DTNA: variants seen among roughly 807,000 people sequenced by gnomAD.
DTNA encodes the protein dystrobrevin alpha.
A neutral mutation model predicts 100.7 loss-of-function variants in DTNA; 43 were observed. That is an observed-to-expected ratio of 0.43 (90% CI 0.33 to 0.55). The LOEUF (loss-of-function observed/expected upper bound fraction) is 0.55, where lower values mean the gene tolerates loss of function less well. Among genes scored for constraint, DTNA ranks in the 20% least tolerant of loss-of-function variants. The probability of loss-of-function intolerance (pLI) is 0.04; values close to 1 mark genes in which losing one functional copy is unlikely to be tolerated. For synonymous variants in DTNA, 349 were observed against 347.9 expected, an observed-to-expected ratio of 1.00 and a Z score of -0.04; for missense variants, 798 against 953.9, an observed-to-expected ratio of 0.84 and a Z score of 2.15.
Position 34,890,167 on chromosome 18 carries a change from T to C in DTNA, c.*2433T>C. ...GTTCTGCTGATAACCTTCCCCGTTG[T>C]CATAGCTATTTCATTGCCAACCAAC... On this transcript the variant is annotated 3_prime_UTR_variant, in exon 23 of 23. Coordinates refer to ENST00000444659, the MANE Select transcript of DTNA (RefSeq NM_001386795.1). 1.4e-6 allele frequency: 2 copies of C among 1,440,230 alleles called. No individual in the cohort carries two copies. The highest frequency in any genetic ancestry group is 1.8e-6 in the Non-Finnish European group (2 of 1,103,104). The allele number at this position is 1,440,230 out of a possible 1,614,324, so 89.2% of individuals were successfully genotyped here.
intron 1 of DTNA, among the ~76,000 whole-genome samples, chr18:34,700,270 C>T (rs1401512653): frequency 6.6e-6 from 1 of 152,180 alleles, no homozygotes; most frequent in Admixed American, 6.5e-5. Context: ...CCTCAGCCAT[C>T]CACTTGCTTG....
At chr18:34,691,956 T>A (rs930960722) in intron 1 of DTNA, among the ~76,000 whole-genome samples, 1 of 152,172 alleles carries the variant, frequency 6.6e-6, no homozygotes, top group African/African-American at 2.4e-5. Context: ...GACTTTTGGG[T>A]TATTTGTAGG....
At chr18:34,675,756 G>T (rs2077323928) in intron 1 of DTNA, among the ~76,000 whole-genome samples, 1 of 152,070 alleles carries the variant, frequency 6.6e-6, no homozygotes, top group Admixed American at 6.6e-5. Flanking sequence ...ATTTAAATTT[G>T]ATGGCAACCA....
intron 16 of DTNA, 138 bp downstream of exon 16, chr18:34,858,536 T>G (rs1485007401): frequency 1.6e-5 from 13 of 804,924 alleles, no homozygotes; most frequent in Non-Finnish European, 2.7e-5. Context: ...ACACACGTAA[T>G]TGCTGATATT....
intron 1 of DTNA, among the ~76,000 whole-genome samples, chr18:34,589,855 T>C (rs1369426354): frequency 6.6e-6 from 1 of 152,226 alleles, no homozygotes; most frequent in African/African-American, 2.4e-5. Flanking sequence ...AGTGAGATCA[T>C]GCAGGATTTG....
intron 12 of DTNA, among the ~76,000 whole-genome samples, 160 bp from the exon 13 acceptor site, chr18:34,838,585 G>T (rs2096203503): frequency 6.6e-6 from 1 of 152,094 alleles, no homozygotes; most frequent in Admixed American, 6.6e-5. Flanking sequence ...TCATTGCCTG[G>T]ATTTCACTTG....
intron 1 of DTNA, among the ~76,000 whole-genome samples, chr18:34,552,936 C>A (rs2045605688): frequency 6.8e-6 from 1 of 147,030 alleles, no homozygotes; most frequent in African/African-American, 2.6e-5. Context: ...AGTTCTAGAT[C>A]CCTGAGGAAT....
Position 34,864,074 on chromosome 18 carries a change from C to A in DTNA, c.1743+12C>A. The A allele has an allele frequency of 6.3e-7, 1 of 1,599,366 alleles. No homozygotes were observed. The highest frequency in any genetic ancestry group is 8.5e-7 in the Non-Finnish European group (1 of 1,172,430). On this transcript the variant is annotated intron_variant, in intron 17 of 22. Transcript: ENST00000444659. The stretch of plus-strand genomic sequence containing the variant: ...TGAAGCTACTAAAGGTAAGACCTGC[C>A]AGATAAATTTTCCTGAGCTTATTTT...
At chr18:34,831,904 G>A (rs1030512264) in intron 11 of DTNA, among the ~76,000 whole-genome samples, 4 of 152,194 alleles carry the variant, frequency 2.6e-5, no homozygotes, top group African/African-American at 7.2e-5. Flanking sequence ...TGACTTGTTG[G>A]TCAGGTGATT....
intron 4 of DTNA, among the ~76,000 whole-genome samples, chr18:34,798,085 C>T (rs955729917): frequency 3.3e-5 from 5 of 152,134 alleles, no homozygotes; most frequent in Admixed American, 2.0e-4. Context: ...CTGCAGCCTT[C>T]GCCTCCTGGC....
In DTNA at chr18:34,825,394, G is replaced by T. The variant is rs995951942; in HGVS notation, c.1002-2199G>T. 6.1e-5 allele frequency: 77 copies of T among 1,256,874 alleles called. No homozygotes were observed. The Admixed American group carries it at 1.3e-3, about 21-fold the overall frequency. 77.9% of individuals were successfully genotyped at this position (1,256,874 alleles called of 1,614,324 possible). On this transcript the variant is annotated intron_variant, in intron 9 of 22. Coordinates refer to ENST00000444659, the MANE Select transcript of DTNA (RefSeq NM_001386795.1). ...CTAGTTTAGAACTAAGTCTTCTTAT[G>T]CTGTACACTCAGTTCACAAGGATGC...
At chr18:34,561,748 G>C (rs987882910) in intron 1 of DTNA, among the ~76,000 whole-genome samples, 4 of 152,066 alleles carry the variant, frequency 2.6e-5, no homozygotes, top group African/African-American at 9.7e-5. Flanking sequence ...TGCTGCATGT[G>C]CTTACTACGT....
chr18:34,730,847 G>C (rs1292227365), intron 1 of DTNA, among the ~76,000 whole-genome samples: 1 of 152,184 alleles, frequency 6.6e-6, no homozygotes, highest in African/African-American at 2.4e-5. Flanking sequence ...GCTCACTCAT[G>C]TTGGTGTGTC....
chr18:34,826,280 A>C (rs1244290156), intron 9 of DTNA, among the ~76,000 whole-genome samples: 1 of 151,918 alleles, frequency 6.6e-6, no homozygotes, highest in African/African-American at 2.4e-5. Flanking sequence ...CATTTGGTTC[A>C]TGAGTAAGTT....
At chr18:34,614,662 T>G (rs1469072906) in intron 1 of DTNA, among the ~76,000 whole-genome samples, 1 of 152,154 alleles carries the variant, frequency 6.6e-6, no homozygotes, top group East Asian at 1.9e-4. Flanking sequence ...GAAATAGAAT[T>G]AGAAGTAGAG....
At position 34,645,018 on chromosome 18, in the gene DTNA, C is replaced by T. The variant is rs147525207; in HGVS notation, c.-1-110958C>T. On this transcript the variant is annotated intron_variant, in intron 1 of 19. Coordinates refer to the DTNA transcript ENST00000283365. Reference sequence around the variant, plus strand: ...TGCACATTTGTAAGGTAACGACAAACTGAATCTTTAATAATGATCGTAATG... The same window carrying T: ...TGCACATTTGTAAGGTAACGACAAATTGAATCTTTAATAATGATCGTAATG... Among the ~76,000 whole-genome samples, 787 of 152,206 alleles carry T rather than the reference C, an allele frequency of 5.2e-3. 8 individuals carry two copies. Among genetic ancestry groups the T allele is most frequent in the African/African-American group, 0.018 (748 of 41,544 alleles).
chr18:34,867,198 T>C (rs1490565437), intron 17 of DTNA: 4 of 1,231,338 alleles, frequency 3.2e-6, no homozygotes, highest in East Asian at 3.2e-5. Flanking sequence ...TTTTCTATTA[T>C]TCATTATGTG....
chr18:34,513,064 C>T (rs1234882896), intron 1 of DTNA, among the ~76,000 whole-genome samples: 1 of 152,040 alleles, frequency 6.6e-6, no homozygotes, highest in East Asian at 1.9e-4. Flanking sequence ...AACCTAACAG[C>T]AGCACTGTTT....
chr18:34,497,382 G>A (rs1477328517), intron 1 of DTNA, among the ~76,000 whole-genome samples: 1 of 152,148 alleles, frequency 6.6e-6, no homozygotes, highest in Non-Finnish European at 1.5e-5. Flanking sequence ...AACATGTACT[G>A]TATACTGAGC....
Sources: gnomAD v4.1 joint callset for allele counts (sites outside exome capture counted in the v4.1 genomes callset) on GRCh38, gnomAD v4.1.1 for gene constraint, MANE v1.5 for transcripts, NCBI Gene and HGNC (gene_info 2026-07-23, HGNC 2026-07-21) for gene names.